MAP2K5: variants seen among roughly 807,000 people sequenced by gnomAD.
The protein encoded by MAP2K5 is dual specificity mitogen-activated protein kinase kinase 5.
MAP2K5 carries 49 observed loss-of-function variants against 83.1 expected under a neutral mutation model. That is an observed-to-expected ratio of 0.59 (90% CI 0.47 to 0.75). The LOEUF (loss-of-function observed/expected upper bound fraction) is 0.75. Among genes scored for constraint, MAP2K5 ranks in the 30% least tolerant of loss-of-function variants. The pLI is 0.00. For synonymous variants in MAP2K5, 202 were observed against 191.8 expected, an observed-to-expected ratio of 1.05 and a Z score of -0.44; for missense variants, 457 against 557.5, an observed-to-expected ratio of 0.82 and a Z score of 1.82.
At position 67,638,063 on chromosome 15, in the gene MAP2K5, TTTTAA is replaced by T. The variant is rs1295384579; in HGVS notation, c.585+7142_585+7146del. 2.0e-5 allele frequency among the ~76,000 whole-genome samples: 3 copies of T among 152,230 alleles called. No individual in the cohort carries two copies. The highest frequency in any genetic ancestry group is 7.2e-5 in the African/African-American group (3 of 41,566). The stretch of plus-strand genomic sequence containing the variant: ...AATTAAAAAAGTTAATTTTTTTAAC[TTTTAA>T]TTTAACTTTTTTAATTTAACTTTTA... On this transcript the variant is annotated intron_variant, in intron 9 of 21. Coordinates refer to ENST00000178640, the MANE Select transcript of MAP2K5 (RefSeq NM_145160.3). The surrounding 1 kb of genome is among the most constrained non-coding windows in gnomAD (Gnocchi z 4.5).
intron 3 of MAP2K5, among the ~76,000 whole-genome samples, chr15:67,578,066 G>C (rs1365535563): frequency 6.6e-6 from 1 of 152,166 alleles, no homozygotes; most frequent in South Asian, 2.1e-4. Context: ...TTTCCCATGT[G>C]AGCCTCACAG....
intron 19 of MAP2K5, among the ~76,000 whole-genome samples, chr15:67,756,900 C>G (rs377171184): frequency 1.3e-5 from 2 of 151,840 alleles, no homozygotes; most frequent in African/African-American, 2.4e-5. Context: ...AATAAGATTC[C>G]ATTTTGGTGT....
chr15:67,569,007 A>AAAAAAAAAAAAAC (rs1196844070), intron 3 of MAP2K5, among the ~76,000 whole-genome samples: 46 of 7,872 alleles, frequency 5.8e-3, no homozygotes, highest in African/African-American at 8.5e-3. Flanking sequence ...CTCCATCTCA[A>AAAAAAAAAAAAAC]AAAAAAAAAA....
rs1372244722 is a variant in MAP2K5, at chr15:67,552,445, A to AT, written c.184+2370dup. 6.6e-6 allele frequency among the ~76,000 whole-genome samples: 1 copy of AT among 151,920 alleles called. No individual in the cohort carries two copies. ...ACAAGATCCCCACGAAGTACTCGTT[A>AT]TTTTTTTGAGACAGAGTATTGCTCT... On this transcript the variant is annotated intron_variant, in intron 2 of 21. Coordinates refer to ENST00000178640, the MANE Select transcript of MAP2K5 (RefSeq NM_145160.3). The surrounding 1 kb of genome is among the most constrained non-coding windows in gnomAD (Gnocchi z 4.2).
chr15:67,692,596 C>T, intron 14 of MAP2K5, 44 bp downstream of exon 14: 1 of 1,433,684 alleles, frequency 7.0e-7, no homozygotes, highest in South Asian at 1.2e-5. Flanking sequence ...TCTGCAACAA[C>T]CCCTTTATAT....
At chr15:67,575,916 C>CTTTCTGT (rs1555527940) in intron 3 of MAP2K5, among the ~76,000 whole-genome samples, 51 of 135,732 alleles carry the variant, frequency 3.8e-4, no homozygotes, top group South Asian at 1.6e-3. Flanking sequence ...TTCTTTCTTT[C>CTTTCTGT]TTTTTTTTTT....
Position 67,715,244 on chromosome 15 carries a change from G to T in MAP2K5, c.1044+11836G>T, listed in dbSNP as rs3784698. On this transcript the variant is annotated intron_variant, in intron 16 of 21. Transcript: ENST00000178640. ...CTTTTTTTTGGGCGGGGAGGGGGGG[G>T]GTCTAAAATTGTGTGTAACTTAATG... is the stretch of plus-strand genomic sequence containing the variant. Among the ~76,000 whole-genome samples the T allele has an allele frequency of 1.3e-4, 19 of 150,434 alleles. 1 individual carries two copies. Among genetic ancestry groups the T allele is most frequent in the South Asian group, 1.1e-3 (5 of 4,736 alleles).
chr15:67,564,186 T>G (rs946728728), intron 3 of MAP2K5, among the ~76,000 whole-genome samples: 1 of 152,264 alleles, frequency 6.6e-6, no homozygotes, highest in Non-Finnish European at 1.5e-5. Flanking sequence ...GCAAATCACT[T>G]AACCTTTCAG....
chr15:67,557,883 G>T (rs935433696), intron 2 of MAP2K5, among the ~76,000 whole-genome samples: 8 of 152,058 alleles, frequency 5.3e-5, no homozygotes, highest in Admixed American at 5.2e-4. Flanking sequence ...AATATAAAGG[G>T]TCATTTTTAA....
intron 11 of MAP2K5, among the ~76,000 whole-genome samples, chr15:67,656,948 T>A (rs1030158044): frequency 6.6e-6 from 1 of 152,206 alleles, no homozygotes; most frequent in African/African-American, 2.4e-5. Flanking sequence ...TAACAGGAAC[T>A]CTTAATCCTG....
chr15:67,574,697 T>A (rs1282279108), intron 3 of MAP2K5, among the ~76,000 whole-genome samples: 2 of 151,304 alleles, frequency 1.3e-5, no homozygotes, highest in South Asian at 2.1e-4. Context: ...GGAAACCCCG[T>A]CTCTACTAAA....
intron 16 of MAP2K5, among the ~76,000 whole-genome samples, chr15:67,727,677 A>G (rs2089129281): frequency 6.6e-6 from 1 of 152,270 alleles, no homozygotes; most frequent in Non-Finnish European, 1.5e-5. Context: ...CCACATAAGG[A>G]TAATGTTTTG....
intron 15 of MAP2K5, among the ~76,000 whole-genome samples, chr15:67,699,474 A>G (rs879783422): frequency 2.5e-4 from 38 of 152,240 alleles, no homozygotes; most frequent in Admixed American, 5.2e-4. Flanking sequence ...TAAGCAGAGA[A>G]GCAGAAGAAA....
At chr15:67,608,072 G>A (rs867958269) in intron 8 of MAP2K5, among the ~76,000 whole-genome samples, 10 of 152,138 alleles carry the variant, frequency 6.6e-5, no homozygotes, top group African/African-American at 1.9e-4. Flanking sequence ...TTATAAAGAC[G>A]TTTAAAGTCC....
At chr15:67,741,115 T>C (rs1056014254) in intron 17 of MAP2K5, among the ~76,000 whole-genome samples, 1 of 151,996 alleles carries the variant, frequency 6.6e-6, no homozygotes, top group Admixed American at 6.5e-5. Flanking sequence ...CATAGTGATC[T>C]AAGCCCGTCA....
At chr15:67,590,627 A>AT (rs1162330661) in intron 6 of MAP2K5, among the ~76,000 whole-genome samples, 1 of 151,608 alleles carries the variant, frequency 6.6e-6, no homozygotes, top group South Asian at 2.1e-4. Context: ...TAAGTTTTTA[A>AT]TTTTTTTTAG....
intron 16 of MAP2K5, among the ~76,000 whole-genome samples, chr15:67,721,670 C>G (rs1420368056): frequency 6.6e-6 from 1 of 152,096 alleles, no homozygotes; most frequent in African/African-American, 2.4e-5. Context: ...GCTGCTGGTG[C>G]CTCCATTGGG....
chr15:67,796,863 G>C (rs956600361), intron 21 of MAP2K5, among the ~76,000 whole-genome samples: 8 of 152,172 alleles, frequency 5.3e-5, no homozygotes, highest in Admixed American at 4.6e-4. Context: ...GCTGCTTAAG[G>C]GACATTCAAG....
In MAP2K5 at chr15:67,720,193, GT is replaced by G. The variant is rs534986021; in HGVS notation, c.1045-7718del. Among the ~76,000 whole-genome samples, 188 of 152,072 alleles carry G rather than the reference GT, an allele frequency of 1.2e-3. No homozygotes were observed. Among genetic ancestry groups the G allele is most frequent in the African/African-American group, 4.4e-3 (182 of 41,484 alleles). On this transcript the variant is annotated intron_variant, in intron 16 of 21. Coordinates refer to ENST00000178640, the MANE Select transcript of MAP2K5 (RefSeq NM_145160.3). The surrounding 1 kb of genome is among the most constrained non-coding windows in gnomAD (Gnocchi z 5.7). ...CTAACCAAAAAGTTACTCAGCTAGG[GT>G]TTTTGGTTTAATGTAGTATAGACAG...
Sources: allele counts gnomAD v4.1 joint callset (sites outside exome capture counted in the v4.1 genomes callset), GRCh38; gene constraint gnomAD v4.1.1; non-coding constraint Gnocchi (gnomAD v3.1); transcripts MANE v1.5; gene names NCBI Gene and HGNC (gene_info 2026-07-23, HGNC 2026-07-21).